PIP5K1B: variants seen among roughly 807,000 people sequenced by gnomAD.
PIP5K1B encodes phosphatidylinositol 4-phosphate 5-kinase type-1 beta.
Under a neutral mutation model 67.0 loss-of-function variants are expected in PIP5K1B, and 42 were observed. The observed-to-expected ratio is 0.63, with a 90% CI of 0.49 to 0.81. PIP5K1B has a LOEUF of 0.81. Ranked by LOEUF, PIP5K1B falls within the 30% of genes least tolerant of loss-of-function variation. PIP5K1B has a pLI of 0.00. For missense variants in PIP5K1B, 459 were observed against 646.3 expected (o/e 0.71, Z 3.14); for synonymous variants, 214 against 231.4 (o/e 0.92, Z 0.68).
intron 14 of PIP5K1B, among the ~76,000 whole-genome samples, chr9:68,965,436 G>A (rs535909290): frequency 3.3e-5 from 5 of 152,256 alleles, no homozygotes; most frequent in East Asian, 1.9e-4. Flanking sequence ...CTCAATCACA[G>A]GCTGGGAATG....
chr9:68,778,240 C>G (rs774313042), intron 2 of PIP5K1B, among the ~76,000 whole-genome samples: 2 of 152,180 alleles, frequency 1.3e-5, no homozygotes, highest in African/African-American at 2.4e-5. Context: ...GAACCTCAAT[C>G]GTTCCTTCGT....
intron 9 of PIP5K1B, among the ~76,000 whole-genome samples, chr9:68,918,391 G>A (rs1826207711): frequency 6.6e-6 from 1 of 151,974 alleles, no homozygotes; most frequent in South Asian, 2.1e-4. Context: ...CACCCAGCCT[G>A]AGTAAAGATG....
chr9:68,717,372 T>G (rs1465423814), intron 1 of PIP5K1B, among the ~76,000 whole-genome samples: 2 of 152,240 alleles, frequency 1.3e-5, no homozygotes, highest in Non-Finnish European at 2.9e-5. Context: ...ACATAGCTTT[T>G]CCAGTTAGTC....
chr9:68,952,838 C>T (rs1330796167), intron 14 of PIP5K1B, among the ~76,000 whole-genome samples: 1 of 149,336 alleles, frequency 6.7e-6, no homozygotes, highest in African/African-American at 2.5e-5. Flanking sequence ...TTCCTTCCTT[C>T]CTTCCTTTCT....
chr9:68,872,144 C>G (rs1823656350), intron 5 of PIP5K1B, among the ~76,000 whole-genome samples: 1 of 152,242 alleles, frequency 6.6e-6, no homozygotes, highest in Admixed American at 6.5e-5. Flanking sequence ...GTGGAAGTTG[C>G]TAAGCACTTG....
rs142378148 is a variant in PIP5K1B at position 68,839,363 on chromosome 9, G to A, written c.69+16680G>A. ...TCTCTTGCAGCAGTCATTTTATGAA[G>A]GCCAGGCAGGATGCCTTGGGACGGG... On this transcript the variant is annotated intron_variant, in intron 4 of 15. Coordinates refer to ENST00000265382, the MANE Select transcript of PIP5K1B (RefSeq NM_003558.4). 6.4e-3 allele frequency among the ~76,000 whole-genome samples: 979 copies of A among 152,284 alleles called. 11 individuals are homozygous for A. The highest frequency in any genetic ancestry group is 0.023 in the African/African-American group (943 of 41,540).
At chr9:68,808,789 C>A (rs533210255) in intron 2 of PIP5K1B, among the ~76,000 whole-genome samples, 6 of 152,146 alleles carry the variant, frequency 3.9e-5, no homozygotes, top group Admixed American at 1.3e-4. Flanking sequence ...AAGAGCCCTG[C>A]AATTTGTTTT....
intron 2 of PIP5K1B, among the ~76,000 whole-genome samples, chr9:68,808,950 G>A (rs140062787): frequency 0.024 from 3,639 of 152,230 alleles, 170 homozygotes; most frequent in Admixed American, 0.12. Flanking sequence ...TACATTGAAT[G>A]TAAGACACCA....
intron 1 of PIP5K1B, among the ~76,000 whole-genome samples, chr9:68,713,432 A>T (rs1018930778): frequency 6.6e-6 from 1 of 152,182 alleles, no homozygotes; most frequent in Non-Finnish European, 1.5e-5. Flanking sequence ...AGAAATGCAG[A>T]TGAACTCTAT....
chr9:68,855,734 C>T (rs1309146973), intron 4 of PIP5K1B, among the ~76,000 whole-genome samples: 1 of 152,212 alleles, frequency 6.6e-6, no homozygotes, highest in East Asian at 1.9e-4. Flanking sequence ...TGAACCACTA[C>T]AACTGCCCCC....
intron 1 of PIP5K1B, among the ~76,000 whole-genome samples, chr9:68,716,480 A>C (rs1442480822): frequency 6.6e-6 from 1 of 152,206 alleles, no homozygotes; most frequent in East Asian, 1.9e-4. Context: ...AACATGAAAA[A>C]ATGCTTATCA....
intron 15 of PIP5K1B, among the ~76,000 whole-genome samples, chr9:69,002,622 T>TA (rs970709468): frequency 1.3e-5 from 2 of 151,616 alleles, no homozygotes; most frequent in African/African-American, 2.4e-5. Flanking sequence ...GAGCTTTATT[T>TA]AAAAAAAAGA....
At chr9:68,860,530 G>C (rs1049184908) in intron 4 of PIP5K1B, among the ~76,000 whole-genome samples, 1 of 152,134 alleles carries the variant, frequency 6.6e-6, no homozygotes, top group Non-Finnish European at 1.5e-5. Flanking sequence ...TCACCAAAAG[G>C]AATGGCTCTC....
At chr9:68,973,023 G>A (rs1316587867) in intron 14 of PIP5K1B, among the ~76,000 whole-genome samples, 2 of 152,138 alleles carry the variant, frequency 1.3e-5, no homozygotes, top group Admixed American at 6.5e-5. Flanking sequence ...TGTAAATAAC[G>A]AGAGTGATTT....
At chr9:68,993,166 A>G (rs1830456327) in intron 15 of PIP5K1B, among the ~76,000 whole-genome samples, 1 of 151,274 alleles carries the variant, frequency 6.6e-6, no homozygotes. Flanking sequence ...CGTCTCCAAA[A>G]AAAAAAAAGT....
Position 68,863,927 on chromosome 9 carries a change from A to T in PIP5K1B, c.160A>T (p.Met54Leu). Residue 54 changes from methionine to leucine, a missense_variant, in exon 5 of 16, where the codon ATG (methionine) becomes TTG (leucine). Met to Leu is a conservative substitution (Grantham distance 15). This residue lies in a region of PIP5K1B where 290 missense variants were observed against 474.4 expected (regional missense o/e 0.61). Transcript: ENST00000265382. The part of the protein sequence containing the change: ...LTSKPERDVL[M>L]QDFYVVESVF... ...TTCCAAGCCAGAACGAGATGTTCTT[A>T]TGCAAGACTTTTATGTGGTGGAAAG... is the stretch of plus-strand genomic sequence containing the variant. 6.2e-7 allele frequency: 1 copy of T among 1,613,970 alleles called. No homozygotes were observed. The highest frequency in any genetic ancestry group is 8.5e-7 in the Non-Finnish European group (1 of 1,179,850).
chr9:68,730,207 T>C (rs4745230), intron 1 of PIP5K1B, among the ~76,000 whole-genome samples: 109,698 of 152,072 alleles, frequency 0.72, 40,563 homozygotes, highest in African/African-American at 0.89. Flanking sequence ...TTTGTTTACC[T>C]TTTAATTGTG....
chr9:68,997,711 C>T (rs545230687), intron 15 of PIP5K1B, among the ~76,000 whole-genome samples: 1 of 152,250 alleles, frequency 6.6e-6, no homozygotes, highest in Non-Finnish European at 1.5e-5. Flanking sequence ...CCTCCCATTG[C>T]CCGAGTCTCA....
rs1194949240 is a variant in PIP5K1B, at chr9:69,009,133, G to A, written c.*684G>A. 5.2e-5 allele frequency: 8 copies of A among 152,596 alleles called. No individual in the cohort carries two copies. The highest frequency in any genetic ancestry group is 5.2e-4 in the Admixed American group (8 of 15,270). 9.5% of individuals were successfully genotyped at this position (152,596 alleles called of 1,614,324 possible). A position where few individuals can be genotyped will look rare whatever the true frequency, so the allele number is the denominator to read the frequency against. On this transcript the variant is annotated 3_prime_UTR_variant, in exon 16 of 16. Transcript: ENST00000265382. ...TATAATTTATTTAGTAAATACTACT[G>A]TAAACTATAGTTTTGTGAGAGAAAT...
Sources: gnomAD v4.1 joint callset for allele counts (sites outside exome capture counted in the v4.1 genomes callset) on GRCh38, gnomAD v4.1.1 for gene constraint, gnomAD v4.1.1 regional missense constraint, MANE v1.5 for transcripts, NCBI Gene and HGNC (gene_info 2026-07-23, HGNC 2026-07-21) for gene names.